Variants in MYO3B observed in about 807,000 individuals in gnomAD.
The protein encoded by MYO3B is myosin-IIIb.
A neutral mutation model predicts 174.6 loss-of-function variants in MYO3B; 156 were observed. The observed-to-expected ratio is 0.89, with a 90% CI of 0.78 to 1.02. The LOEUF (loss-of-function observed/expected upper bound fraction) is 1.02, where lower values mean the gene tolerates loss of function less well. Among genes scored for constraint, MYO3B ranks in the 50% least tolerant of loss-of-function variants. The pLI is 0.00. For missense variants in MYO3B, 1,632 were observed against 1,639.4 expected (o/e 1.00, Z 0.08); for synonymous variants, 563 against 569.1 (o/e 0.99, Z 0.15).
At chr2:170,307,847 A>T (rs541360524) in intron 7 of MYO3B, among the ~76,000 whole-genome samples, 1 of 152,182 alleles carries the variant, frequency 6.6e-6, no homozygotes, top group Non-Finnish European at 1.5e-5. Context: ...AATTTCTAGA[A>T]AAGGGTTGTA....
intron 8 of MYO3B, among the ~76,000 whole-genome samples, chr2:170,341,815 G>A (rs899019440): frequency 1.3e-5 from 2 of 152,168 alleles, no homozygotes; most frequent in African/African-American, 4.8e-5. Flanking sequence ...ATATCTCCCT[G>A]AAGAGCGTCT....
intron 7 of MYO3B, among the ~76,000 whole-genome samples, chr2:170,282,157 T>C (rs1215347324): frequency 6.6e-6 from 1 of 152,208 alleles, no homozygotes; most frequent in African/African-American, 2.4e-5. Context: ...CTTTGAGGGT[T>C]TTAGTCATAA....
chr2:170,553,591 G>T (rs564273846), intron 32 of MYO3B, among the ~76,000 whole-genome samples: 1 of 152,176 alleles, frequency 6.6e-6, no homozygotes, highest in East Asian at 1.9e-4. Context: ...GAAGGGACTT[G>T]CCTTGCCTCA....
At chr2:170,636,650 C>T (rs147091027) in intron 32 of MYO3B, among the ~76,000 whole-genome samples, 2 of 152,254 alleles carry the variant, frequency 1.3e-5, no homozygotes, top group African/African-American at 4.8e-5. Context: ...TCCCACCCTT[C>T]CAGAGCTGGT....
chr2:170,622,181 TA>T (rs1299792720), intron 32 of MYO3B, among the ~76,000 whole-genome samples: 1 of 152,244 alleles, frequency 6.6e-6, no homozygotes, highest in Non-Finnish European at 1.5e-5. Context: ...CTGAACTACT[TA>T]ATGTTCAGAA....
intron 23 of MYO3B, among the ~76,000 whole-genome samples, chr2:170,456,345 G>A (rs1683908743): frequency 6.6e-6 from 1 of 152,192 alleles, no homozygotes. Flanking sequence ...GAAAAACTCA[G>A]GGAAGGGATC....
intron 28 of MYO3B, among the ~76,000 whole-genome samples, chr2:170,511,288 G>A (rs558524402): frequency 2.6e-5 from 4 of 151,314 alleles, no homozygotes; most frequent in South Asian, 2.1e-4. Context: ...GGATGGTCTC[G>A]ATCTCCTGAC....
chr2:170,264,100 C>T (rs2093365347), intron 7 of MYO3B, among the ~76,000 whole-genome samples: 1 of 152,182 alleles, frequency 6.6e-6, no homozygotes, highest in Non-Finnish European at 1.5e-5. Context: ...TCCATTAAAC[C>T]TTGAGTCAAC....
chr2:170,582,377 G>A (rs564325255), intron 32 of MYO3B, among the ~76,000 whole-genome samples: 164 of 152,292 alleles, frequency 1.1e-3, no homozygotes, highest in African/African-American at 3.7e-3. Flanking sequence ...CAAGCTTTAG[G>A]GAAGCAGCAC....
intron 25 of MYO3B, among the ~76,000 whole-genome samples, chr2:170,472,376 C>T (rs1422307068): frequency 1.3e-5 from 2 of 152,120 alleles, no homozygotes; most frequent in Admixed American, 6.5e-5. Context: ...CTTGGTGTTC[C>T]CTAACCATCC....
intron 7 of MYO3B, among the ~76,000 whole-genome samples, chr2:170,246,327 T>G (rs923204094): frequency 6.6e-6 from 1 of 152,210 alleles, no homozygotes; most frequent in African/African-American, 2.4e-5. Flanking sequence ...TCTAGCAGAA[T>G]AGCCAGTGGT....
At chr2:170,252,898 G>C (rs1042543604) in intron 7 of MYO3B, among the ~76,000 whole-genome samples, 2 of 152,182 alleles carry the variant, frequency 1.3e-5, no homozygotes, top group African/African-American at 2.4e-5. Context: ...ATAGCAAGGA[G>C]ACCAAGGCAG....
intron 22 of MYO3B, among the ~76,000 whole-genome samples, chr2:170,429,122 C>T (rs1316148676): frequency 6.6e-6 from 1 of 152,160 alleles, no homozygotes; most frequent in African/African-American, 2.4e-5. Flanking sequence ...GACCTACCAC[C>T]AATAGATAAG....
chr2:170,358,056 G>T (rs2094135556), intron 8 of MYO3B, among the ~76,000 whole-genome samples: 1 of 151,988 alleles, frequency 6.6e-6, no homozygotes, highest in African/African-American at 2.4e-5. Flanking sequence ...GGAGGCTGAG[G>T]CAGGAGAATC....
At chr2:170,305,216 G>A (rs2093692885) in intron 7 of MYO3B, among the ~76,000 whole-genome samples, 1 of 152,020 alleles carries the variant, frequency 6.6e-6, no homozygotes, top group Non-Finnish European at 1.5e-5. Flanking sequence ...TCACGGTGTA[G>A]GATAGTTCAT....
chr2:170,436,129 T>C (rs1453750994), intron 22 of MYO3B, among the ~76,000 whole-genome samples: 4 of 152,180 alleles, frequency 2.6e-5, no homozygotes, highest in Non-Finnish European at 4.4e-5. Flanking sequence ...AGGATATAAA[T>C]TCCATTAGAT....
chr2:170,300,052 G>A (rs1432012371), intron 7 of MYO3B, among the ~76,000 whole-genome samples: 1 of 149,578 alleles, frequency 6.7e-6, no homozygotes, highest in Non-Finnish European at 1.5e-5. Context: ...TTCATGTCTT[G>A]CTTTGTTTGA....
At chr2:170,419,154 A>T (rs566744022) in intron 22 of MYO3B, among the ~76,000 whole-genome samples, 1 of 152,356 alleles carries the variant, frequency 6.6e-6, no homozygotes, top group African/African-American at 2.4e-5. Flanking sequence ...GGGATCATAT[A>T]TTAGTTTGAT....
Position 170,451,550 on chromosome 2 carries a change from GTCTT to G in MYO3B, c.2730+7506_2730+7509del, listed in dbSNP as rs142994916. On this transcript the variant is annotated intron_variant, in intron 23 of 34. Coordinates refer to ENST00000408978, the MANE Select transcript of MYO3B (RefSeq NM_138995.5). Reference sequence around the variant, plus strand: ...TATTTTACCAGTAATCTTTAAAATTGTCTTTATTTCCGAAAGATTACTAAAGTCA... The same window carrying G: ...TATTTTACCAGTAATCTTTAAAATTGTATTTCCGAAAGATTACTAAAGTCA... Among the ~76,000 whole-genome samples, 559 of 152,318 alleles carry G rather than the reference GTCTT, an allele frequency of 3.7e-3. 3 individuals are homozygous for G. Among genetic ancestry groups the G allele is most frequent in the Middle Eastern group, 0.031 (9 of 294 alleles).
Sources: allele counts gnomAD v4.1 joint callset (sites outside exome capture counted in the v4.1 genomes callset), GRCh38; gene constraint gnomAD v4.1.1; transcripts MANE v1.5; gene names NCBI Gene and HGNC (gene_info 2026-07-23, HGNC 2026-07-21).